ADCK1: variants seen among roughly 807,000 people sequenced by gnomAD.
ADCK1 encodes aarF domain containing kinase 1.
A neutral mutation model predicts 52.3 loss-of-function variants in ADCK1; 41 were observed. The observed-to-expected ratio is 0.78, with a 90% CI of 0.61 to 1.02. The LOEUF is 1.02. ADCK1 is among the 50% of genes least tolerant of loss of function. The pLI, the probability that ADCK1 is intolerant of heterozygous loss-of-function variation, is 0.00. For missense variants in ADCK1, 658 were observed against 679.5 expected, an observed-to-expected ratio of 0.97 and a Z score of 0.35; for synonymous variants, 250 against 274.6, an observed-to-expected ratio of 0.91 and a Z score of 0.89.
intron 1 of ADCK1, among the ~76,000 whole-genome samples, chr14:77,813,798 C>T (rs1398059296): frequency 1.3e-5 from 2 of 150,052 alleles, no homozygotes; most frequent in Non-Finnish European, 3.0e-5. Flanking sequence ...TGAGGAGTCT[C>T]ATGCTGTCAC....
At chr14:77,930,907 G>A (rs1396065322) in intron 9 of ADCK1, among the ~76,000 whole-genome samples, 4 of 151,794 alleles carry the variant, frequency 2.6e-5, no homozygotes, top group Non-Finnish European at 5.9e-5. Flanking sequence ...GGATCGTGGG[G>A]AGGCCAGACC....
At chr14:77,874,300 G>A (rs1245745036) in intron 4 of ADCK1, among the ~76,000 whole-genome samples, 1 of 152,240 alleles carries the variant, frequency 6.6e-6, no homozygotes, top group Non-Finnish European at 1.5e-5. Context: ...CAAGAAGAGA[G>A]AAAGTTATCT....
At chr14:77,911,857 A>G (rs1353810223) in intron 7 of ADCK1, among the ~76,000 whole-genome samples, 1 of 151,848 alleles carries the variant, frequency 6.6e-6, no homozygotes, top group Non-Finnish European at 1.5e-5. Flanking sequence ...AGAATCAGAG[A>G]CTCAGAGAGG....
chr14:77,878,414 C>T lies in ADCK1; in HGVS notation c.424-8677C>T, dbSNP rs188204332. On this transcript the variant is annotated intron_variant, in intron 4 of 10. Transcript: ENST00000238561. ...ACTACCCATGGTTGAGCATTCAGTCCGTGCAGGGCAAAGATATCCTGACAT... is the reference window on the plus strand; with the variant it reads ...ACTACCCATGGTTGAGCATTCAGTCTGTGCAGGGCAAAGATATCCTGACAT... Among the ~76,000 whole-genome samples, 356 of 152,356 alleles carry T rather than the reference C, an allele frequency of 2.3e-3. 3 individuals are homozygous for T. The highest frequency in any genetic ancestry group is 7.6e-3 in the African/African-American group (317 of 41,590).
chr14:77,839,127 T>C (rs923460589), intron 3 of ADCK1, among the ~76,000 whole-genome samples: 2 of 152,048 alleles, frequency 1.3e-5, no homozygotes, highest in Admixed American at 1.3e-4. Flanking sequence ...GGAGATAAAA[T>C]GTAGTCATGG....
intron 3 of ADCK1, among the ~76,000 whole-genome samples, chr14:77,836,725 T>G (rs2081966723): frequency 6.6e-6 from 1 of 151,718 alleles, no homozygotes; most frequent in Non-Finnish European, 1.5e-5. Flanking sequence ...ATCATTGCAA[T>G]CTCTGCAATC....
At chr14:77,829,656 T>C (rs569945577) in intron 3 of ADCK1, among the ~76,000 whole-genome samples, 1 of 151,550 alleles carries the variant, frequency 6.6e-6, no homozygotes, top group Admixed American at 6.6e-5. Flanking sequence ...AGAGTCCATA[T>C]TAGCATTCTC....
At chr14:77,855,529 CTG>C (rs1206454329) in intron 3 of ADCK1, among the ~76,000 whole-genome samples, 1 of 152,156 alleles carries the variant, frequency 6.6e-6, no homozygotes, top group Non-Finnish European at 1.5e-5. Context: ...AGGTTAAACT[CTG>C]TTAATATGTT....
intron 3 of ADCK1, chr14:77,827,759 G>T (rs1594889334): frequency 5.4e-6 from 2 of 369,572 alleles, no homozygotes; most frequent in Non-Finnish European, 1.0e-5. Flanking sequence ...TTTGGACCTG[G>T]AGCCAGGTCC....
At chr14:77,850,521 T>C (rs1195557726) in intron 3 of ADCK1, among the ~76,000 whole-genome samples, 1 of 152,232 alleles carries the variant, frequency 6.6e-6, no homozygotes, top group African/African-American at 2.4e-5. Flanking sequence ...TCTTGATGGA[T>C]TGATCCCTTT....
chr14:77,906,502 G>C (rs1469688833), intron 6 of ADCK1, among the ~76,000 whole-genome samples: 1 of 152,152 alleles, frequency 6.6e-6, no homozygotes, highest in Non-Finnish European at 1.5e-5. Flanking sequence ...GAGGGTTGGA[G>C]AGTGTATGTT....
intron 1 of ADCK1, among the ~76,000 whole-genome samples, chr14:77,815,780 G>T (rs563341693): frequency 1.0e-3 from 149 of 148,246 alleles, no homozygotes; most frequent in African/African-American, 3.4e-3. Context: ...GCCTCCCAAA[G>T]TGTTGGGATT....
chr14:77,822,480 C>G lies in ADCK1; in HGVS notation c.181C>G (p.Pro61Ala). Reference sequence around the variant, plus strand: ...CTACCTCACTTCCCTGAAGAGTGTCCCTTATGGCTCAGAGGAGTACTTGCA... The same window carrying G: ...CTACCTCACTTCCCTGAAGAGTGTCGCTTATGGCTCAGAGGAGTACTTGCA... ...YDYLTSLKSV[P>A]YGSEEYLQLR... Residue 61 changes from proline to alanine, a missense_variant, in exon 3 of 11, where the codon CCT (proline) becomes GCT (alanine). Physicochemically the swap from Pro to Ala is conservative, Grantham distance 27. Transcript: ENST00000238561. 1 of 1,614,108 alleles carries G rather than the reference C, an allele frequency of 6.2e-7. No homozygotes were observed. Among genetic ancestry groups the G allele is most frequent in the Admixed American group, 1.7e-5 (1 of 60,002 alleles).
chr14:77,914,401 T>G, intron 7 of ADCK1: 3 of 985,478 alleles, frequency 3.0e-6, no homozygotes, highest in Non-Finnish European at 3.6e-6. Flanking sequence ...GCTATGCTTC[T>G]TCTAGTAGTT....
intron 3 of ADCK1, among the ~76,000 whole-genome samples, chr14:77,856,665 C>T (rs1442100272): frequency 6.6e-6 from 1 of 152,216 alleles, no homozygotes; most frequent in Admixed American, 6.5e-5. Context: ...ATTAGCTATT[C>T]ACTGCCTCCC....
intron 6 of ADCK1, among the ~76,000 whole-genome samples, chr14:77,902,196 C>T (rs541073462): frequency 2.0e-4 from 30 of 152,264 alleles, no homozygotes; most frequent in African/African-American, 5.5e-4. Context: ...CTTGAGAATC[C>T]GCAGGAGGAA....
intron 5 of ADCK1, among the ~76,000 whole-genome samples, chr14:77,889,684 C>T (rs542931685): frequency 1.2e-4 from 19 of 152,206 alleles, no homozygotes; most frequent in African/African-American, 3.1e-4. Flanking sequence ...GTAAGGGGAT[C>T]GGGATGCCTC....
chr14:77,816,888 A>ATC (rs1351951538), intron 1 of ADCK1, among the ~76,000 whole-genome samples: 1 of 143,480 alleles, frequency 7.0e-6, no homozygotes, highest in Admixed American at 7.1e-5. Context: ...GTAAATATAT[A>ATC]TATATATATA....
At chr14:77,874,540 G>A (rs1205979989) in intron 4 of ADCK1, among the ~76,000 whole-genome samples, 8 of 152,162 alleles carry the variant, frequency 5.3e-5, no homozygotes, top group African/African-American at 1.4e-4. Flanking sequence ...GGAGGCCTAT[G>A]TCTCCCAGGC....
Sources: gnomAD v4.1 joint callset for allele counts (sites outside exome capture counted in the v4.1 genomes callset) on GRCh38, gnomAD v4.1.1 for gene constraint, MANE v1.5 for transcripts, NCBI Gene and HGNC (gene_info 2026-07-23, HGNC 2026-07-21) for gene names.